DOCK8: variants seen among roughly 807,000 people sequenced by gnomAD.
DOCK8 encodes dedicator of cytokinesis 8.
A neutral mutation model predicts 245.6 loss-of-function variants in DOCK8; 141 were observed. The ratio of observed to expected loss-of-function variants is 0.57; its 90% CI spans 0.50 to 0.66. The LOEUF (loss-of-function observed/expected upper bound fraction) is 0.66, where lower values mean the gene tolerates loss of function less well. Ranked by LOEUF, DOCK8 falls within the 30% of genes least tolerant of loss-of-function variation. The pLI, the probability that DOCK8 is intolerant of heterozygous loss-of-function variation, is 0.00. For missense variants in DOCK8, 2,965 were observed against 2,603.4 expected (o/e 1.14, Z -3.02); for synonymous variants, 1,168 against 970.2 (o/e 1.20, Z -3.79).
rs2056570351 is a variant in DOCK8, at chr9:428,221, A to G, written c.4339-141A>G. ...GGTCTTCAGTTCCCATGGTTAATGG[A>G]TGATACCCATGGTGGCTCACCAAAC... On this transcript the variant is annotated intron_variant, in intron 34 of 47. Transcript: ENST00000432829. The G allele has an allele frequency of 3.1e-6, 4 of 1,274,510 alleles. No homozygotes were observed. The Admixed American group carries it at 5.7e-5, about 18-fold the overall frequency. The allele number at this position is 1,274,510 out of a possible 1,614,324, so 79.0% of individuals were successfully genotyped here.
chr9:263,012 G>T (rs1398076217), intron 1 of DOCK8, among the ~76,000 whole-genome samples: 1 of 152,178 alleles, frequency 6.6e-6, no homozygotes. Flanking sequence ...TTGAAGACCA[G>T]CCTAGCCAAC....
chr9:272,314 G>A (rs1272376121), intron 2 of DOCK8, among the ~76,000 whole-genome samples: 2 of 151,986 alleles, frequency 1.3e-5, no homozygotes, highest in Admixed American at 6.6e-5. Flanking sequence ...TCCAACTCAC[G>A]CAATCTCTGA....
intron 24 of DOCK8, among the ~76,000 whole-genome samples, chr9:394,584 G>A (rs1586888353): frequency 6.6e-6 from 1 of 152,320 alleles, no homozygotes; most frequent in East Asian, 1.9e-4. Flanking sequence ...ATGCTTGGGC[G>A]ACTTTCACAC....
chr9:310,526 T>C (rs1424856817), intron 5 of DOCK8, among the ~76,000 whole-genome samples: 1 of 152,206 alleles, frequency 6.6e-6, no homozygotes, highest in Non-Finnish European at 1.5e-5. Flanking sequence ...TGGCACCATC[T>C]CGGGTCATTA....
intron 7 of DOCK8, among the ~76,000 whole-genome samples, chr9:320,132 G>T (rs2050525481): frequency 6.6e-6 from 1 of 151,442 alleles, no homozygotes; most frequent in Non-Finnish European, 1.5e-5. Context: ...TGTGATCAGA[G>T]ATGGCTGGGC....
At chr9:248,053 C>T (rs1043632169) in intron 1 of DOCK8, among the ~76,000 whole-genome samples, 7 of 151,522 alleles carry the variant, frequency 4.6e-5, no homozygotes, top group Admixed American at 6.6e-5. Flanking sequence ...TTAATATGTC[C>T]GAGGAAAAGA....
chr9:402,125 T>TC (rs1360507368), intron 26 of DOCK8, among the ~76,000 whole-genome samples: 1 of 152,246 alleles, frequency 6.6e-6, no homozygotes, highest in Non-Finnish European at 1.5e-5. Flanking sequence ...CAGGCTATCT[T>TC]CATTCCCGAC....
At chr9:446,858 GTATT>G (rs1472114541) in intron 44 of DOCK8, among the ~76,000 whole-genome samples, 3 of 151,394 alleles carry the variant, frequency 2.0e-5, no homozygotes, top group Admixed American at 6.6e-5. Context: ...GTGTGTTTAT[GTATT>G]TAATTATAAT....
In DOCK8 at chr9:403,494, T is replaced by A. The variant is rs115526281; in HGVS notation, c.3235-1424T>A. Reference sequence around the variant, plus strand: ...AATATATAATGGCATTTACTTATTTTAAGTGGATGTCTAACTATGAATTAA... The same window carrying A: ...AATATATAATGGCATTTACTTATTTAAAGTGGATGTCTAACTATGAATTAA... On this transcript the variant is annotated intron_variant, in intron 26 of 47. Coordinates refer to ENST00000432829, the MANE Select transcript of DOCK8 (RefSeq NM_203447.4). Among the ~76,000 whole-genome samples, 828 of 152,326 alleles carry A rather than the reference T, an allele frequency of 5.4e-3. 10 individuals are homozygous for A. The highest frequency in any genetic ancestry group is 0.019 in the African/African-American group (802 of 41,578).
At chr9:365,457 A>G (rs1383256517) in intron 14 of DOCK8, 1 of 399,140 alleles carries the variant, frequency 2.5e-6, no homozygotes, top group East Asian at 7.0e-5. Flanking sequence ...GATAAGGTAC[A>G]GAAGTAAGTC....
Position 449,786 on chromosome 9 carries a change from T to C in DOCK8, c.5820T>C (p.Phe1940=), listed in dbSNP as rs768939248. 54 of 1,612,638 alleles carry C rather than the reference T, an allele frequency of 3.3e-5. 1 individual carries two copies. The East Asian group carries it at 8.2e-4, about 25-fold the overall frequency. The change falls in exon 45 of 48, where the codon TTT becomes TTC. Residue 1940 remains phenylalanine, a splice_region_variant and synonymous_variant. Transcript: ENST00000432829. ...TRISVIQKEE[F]VLTPIEVAIE... is the part of the protein sequence containing the mutation. ...CTATGTTTACGTCTCATGTTCAGTT[T>C]GTTTTGACACCGATTGAAGTTGCCA...
chr9:297,711 C>T (rs959658424), intron 4 of DOCK8, among the ~76,000 whole-genome samples: 12 of 152,096 alleles, frequency 7.9e-5, no homozygotes, highest in Non-Finnish European at 1.3e-4. Flanking sequence ...ACATGTTTGC[C>T]AACCCTTGTC....
intron 1 of DOCK8, among the ~76,000 whole-genome samples, chr9:238,379 T>G (rs2047307622): frequency 6.6e-6 from 1 of 152,214 alleles, no homozygotes; most frequent in Non-Finnish European, 1.5e-5. Flanking sequence ...AGTACCACGT[T>G]TCTGAGGTAG....
chr9:357,414 G>T (rs545770768), intron 14 of DOCK8, among the ~76,000 whole-genome samples: 3 of 152,054 alleles, frequency 2.0e-5, no homozygotes, highest in African/African-American at 7.2e-5. Context: ...TTTAAAAGTG[G>T]TACCATAAGA....
At chr9:255,160 G>A (rs1471515610) in intron 1 of DOCK8, among the ~76,000 whole-genome samples, 1 of 152,070 alleles carries the variant, frequency 6.6e-6, no homozygotes, top group Non-Finnish European at 1.5e-5. Context: ...ATATATAAAA[G>A]GAAAGGTTTT....
chr9:393,706 C>T (rs1038953897), intron 24 of DOCK8, among the ~76,000 whole-genome samples: 3 of 152,200 alleles, frequency 2.0e-5, no homozygotes, highest in Non-Finnish European at 2.9e-5. Context: ...AAGAAAGCCC[C>T]TGCTGATCTA....
At position 361,333 on chromosome 9, in the gene DOCK8, C is replaced by G. The variant is rs936194793; in HGVS notation, c.1680-6685C>G. On this transcript the variant is annotated intron_variant, in intron 14 of 47. Coordinates refer to ENST00000432829, the MANE Select transcript of DOCK8 (RefSeq NM_203447.4). ...ATCCCAGACAGATTGATTGACTTCC[C>G]AGGTAACATATAATATCTTACAATC... 2.6e-5 allele frequency among the ~76,000 whole-genome samples: 4 copies of G among 152,222 alleles called. No individual in the cohort carries two copies. In the East Asian group the frequency reaches 5.8e-4, roughly 22 times the overall value.
At chr9:249,960 T>A (rs943600703) in intron 1 of DOCK8, among the ~76,000 whole-genome samples, 35 of 152,038 alleles carry the variant, frequency 2.3e-4, no homozygotes, top group African/African-American at 8.0e-4. Flanking sequence ...ATCTGGACAA[T>A]CCCTAACAGT....
At chr9:409,288 G>A (rs556620154) in intron 28 of DOCK8, among the ~76,000 whole-genome samples, 2 of 152,218 alleles carry the variant, frequency 1.3e-5, no homozygotes, top group African/African-American at 2.4e-5. Flanking sequence ...TCTATGCATC[G>A]TTAAATCCAC....
Sources: gnomAD v4.1 joint callset for allele counts (sites outside exome capture counted in the v4.1 genomes callset) on GRCh38, gnomAD v4.1.1 for gene constraint, MANE v1.5 for transcripts, NCBI Gene and HGNC (gene_info 2026-07-23, HGNC 2026-07-21) for gene names.